PDE9A: variants seen among roughly 807,000 people sequenced by gnomAD.
The protein encoded by PDE9A is phosphodiesterase 9A, also known as high affinity cGMP-specific 3',5'-cyclic phosphodiesterase 9A.
A neutral mutation model predicts 87.4 loss-of-function variants in PDE9A; 60 were observed. The observed-to-expected ratio is 0.69, with a 90% confidence interval of 0.56 to 0.85. PDE9A has a LOEUF of 0.85. Ranked by LOEUF, PDE9A falls within the 40% of genes least tolerant of loss-of-function variation. The pLI, the probability that PDE9A is intolerant of heterozygous loss-of-function variation, is 0.00. For missense variants in PDE9A, 665 were observed against 779.0 expected, an observed-to-expected ratio of 0.85 and a Z score of 1.74; for synonymous variants, 272 against 279.4, an observed-to-expected ratio of 0.97 and a Z score of 0.27.
intron 1 of PDE9A, among the ~76,000 whole-genome samples, chr21:42,671,682 A>G (rs183444423): frequency 9.3e-4 from 141 of 152,388 alleles, no homozygotes; most frequent in African/African-American, 3.3e-3. Flanking sequence ...ATTCATAGAT[A>G]ACTTGCAATG....
rs747015540 is a variant in PDE9A, at chr21:42,687,980, C to T, written c.204C>T (p.Pro68=). 15 of 1,612,718 alleles carry T rather than the reference C, an allele frequency of 9.3e-6. No individual in the cohort carries two copies. Among genetic ancestry groups the T allele is most frequent in the South Asian group, 5.5e-5 (5 of 91,082 alleles). ...DAMVSIDPTM[P]ANSERTPYKV... Reference sequence around the variant, plus strand: ...TGGTCTCCATCGACCCCACCATGCCCGCGAATTCAGAACGGTAAGAGGCTC... The same window carrying T: ...TGGTCTCCATCGACCCCACCATGCCTGCGAATTCAGAACGGTAAGAGGCTC... The change falls in exon 3 of 20, where the codon CCC becomes CCT. Residue 68 remains proline (P), a synonymous_variant. Transcript: ENST00000291539.
At chr21:42,712,581 G>A (rs111728534) in intron 4 of PDE9A, among the ~76,000 whole-genome samples, 1,991 of 152,220 alleles carry the variant, frequency 0.013, 38 homozygotes, top group African/African-American at 0.046. Flanking sequence ...AGACGTCCTC[G>A]CCTTGTTCCC....
At chr21:42,657,076 G>A (rs944159524) in intron 1 of PDE9A, among the ~76,000 whole-genome samples, 5 of 152,250 alleles carry the variant, frequency 3.3e-5, no homozygotes, top group African/African-American at 1.2e-4. Flanking sequence ...GCCCCGTGTG[G>A]GGCCTGATGA....
rs553298274 is a variant in PDE9A at position 42,773,578 on chromosome 21, C to T, written c.1768+1058C>T. On this transcript the variant is annotated intron_variant, in intron 19 of 19. Coordinates refer to ENST00000291539, the MANE Select transcript of PDE9A (RefSeq NM_002606.3). ...ATCCAAGCACTTTGGGAGGCCAAGGCGGCGGATCACGAGGAGATCGAGACC... is the reference window on the plus strand; with the variant it reads ...ATCCAAGCACTTTGGGAGGCCAAGGTGGCGGATCACGAGGAGATCGAGACC... Among the ~76,000 whole-genome samples, 147 of 151,304 alleles carry T rather than the reference C, an allele frequency of 9.7e-4. 2 individuals are homozygous for T. The South Asian group carries it at 0.026, about 27-fold the overall frequency.
rs2060151731 is a variant in PDE9A at position 42,696,588 on chromosome 21, T to C, written c.219-2380T>C. On this transcript the variant is annotated intron_variant, in intron 3 of 19. Coordinates refer to ENST00000291539, the MANE Select transcript of PDE9A (RefSeq NM_002606.3). The surrounding 1 kb of genome is among the most constrained non-coding windows in gnomAD (Gnocchi z 5.1). ...CTCATGGTGGGAGCCGGAGAGACACTGAGAAGAGGAAGGAAGGAGGATCCA... is the reference window on the plus strand; with the variant it reads ...CTCATGGTGGGAGCCGGAGAGACACCGAGAAGAGGAAGGAAGGAGGATCCA... Among the ~76,000 whole-genome samples the C allele has an allele frequency of 6.6e-6, 1 of 150,480 alleles. No individual in the cohort carries two copies. The highest frequency in any genetic ancestry group is 6.6e-5 in the Admixed American group (1 of 15,138).
intron 7 of PDE9A, among the ~76,000 whole-genome samples, chr21:42,735,293 A>AC (rs2146766601): frequency 6.6e-6 from 1 of 152,276 alleles, no homozygotes; most frequent in Non-Finnish European, 1.5e-5. Flanking sequence ...CTGCTTCTCC[A>AC]TGTCACTGGC....
chr21:42,676,702 G>A (rs1278505444), intron 1 of PDE9A, among the ~76,000 whole-genome samples: 3 of 152,186 alleles, frequency 2.0e-5, no homozygotes, highest in Non-Finnish European at 4.4e-5. Flanking sequence ...CTAGTGTGGG[G>A]CAGTGCGTCA....
At chr21:42,714,519 A>T (rs1602220183) in intron 4 of PDE9A, among the ~76,000 whole-genome samples, 1 of 150,902 alleles carries the variant, frequency 6.6e-6, no homozygotes, top group East Asian at 2.0e-4. Flanking sequence ...GTCTTTATTG[A>T]TATGGTTGAG....
At chr21:42,683,866 T>C (rs1041040219) in intron 1 of PDE9A, among the ~76,000 whole-genome samples, 3 of 152,184 alleles carry the variant, frequency 2.0e-5, no homozygotes, top group Non-Finnish European at 4.4e-5. Context: ...TGGGACAGGA[T>C]GTGGTGCCCT....
At position 42,675,844 on chromosome 21, in the gene PDE9A, G is replaced by A. The variant is rs919048953; in HGVS notation, c.70-10348G>A. 2.6e-5 allele frequency among the ~76,000 whole-genome samples: 4 copies of A among 152,286 alleles called. No homozygotes were observed. The highest frequency in any genetic ancestry group is 6.5e-5 in the Admixed American group (1 of 15,292). ...TTCTCCAGTTGTACTTGCTGATGTC[G>A]TTTAGATATTTGTCCCCGCCAAATC... On this transcript the variant is annotated intron_variant, in intron 1 of 19. Coordinates refer to ENST00000291539, the MANE Select transcript of PDE9A (RefSeq NM_002606.3). This position sits in a 1 kb window ranked among gnomAD's most constrained non-coding sequence, Gnocchi z 4.3.
At chr21:42,677,205 A>G (rs1458184433) in intron 1 of PDE9A, among the ~76,000 whole-genome samples, 1 of 152,252 alleles carries the variant, frequency 6.6e-6, no homozygotes, top group African/African-American at 2.4e-5. Flanking sequence ...ATTTCGCTCC[A>G]GATTCGTTAC....
At chr21:42,756,551 G>A (rs970376580) in intron 10 of PDE9A, among the ~76,000 whole-genome samples, 4 of 138,556 alleles carry the variant, frequency 2.9e-5, no homozygotes, top group African/African-American at 1.2e-4. Context: ...TAGGGCCTCC[G>A]AGGGCCCAGG....
In PDE9A at chr21:42,679,784, C is replaced by G. The variant is rs78419674; in HGVS notation, c.70-6408C>G. ...ACTCACCCCCCACCCATGAGAGACC[C>G]TTCTGTCCTGTCCCTTAACCCAGAG... On this transcript the variant is annotated intron_variant, in intron 1 of 19. Transcript: ENST00000291539. Among the ~76,000 whole-genome samples, 118 of 152,346 alleles carry G rather than the reference C, an allele frequency of 7.7e-4. 2 individuals are homozygous for G. The East Asian group carries it at 0.021, about 27-fold the overall frequency.
intron 1 of PDE9A, among the ~76,000 whole-genome samples, chr21:42,658,580 C>T (rs921955661): frequency 4.6e-5 from 7 of 152,210 alleles, no homozygotes; most frequent in Admixed American, 3.3e-4. Context: ...AGCCCACACG[C>T]GCAGTGCCCT....
intron 4 of PDE9A, among the ~76,000 whole-genome samples, chr21:42,707,529 A>G (rs1162031310): frequency 6.6e-6 from 1 of 152,168 alleles, no homozygotes; most frequent in African/African-American, 2.4e-5. Context: ...TCACCTGTAC[A>G]TCAACTCACC....
chr21:42,762,287 A>G (rs776469442), intron 14 of PDE9A, 48 bp downstream of exon 14: 3 of 1,581,162 alleles, frequency 1.9e-6, no homozygotes, highest in Non-Finnish European at 2.6e-6. Context: ...ACATTCAGGG[A>G]CAGAGCAGCC....
At chr21:42,735,335 G>A (rs2839579) in intron 7 of PDE9A, among the ~76,000 whole-genome samples, 44,474 of 152,074 alleles carry the variant, frequency 0.29, 7,021 homozygotes, top group East Asian at 0.54. Flanking sequence ...GAGCCAGGCC[G>A]CGCACCCAAG....
intron 4 of PDE9A, among the ~76,000 whole-genome samples, chr21:42,701,619 T>C (rs1311896319): frequency 1.3e-5 from 2 of 152,028 alleles, no homozygotes; most frequent in Admixed American, 1.3e-4. Flanking sequence ...TAAGTTTTTA[T>C]AGGGACAAGG....
intron 16 of PDE9A, chr21:42,768,714 T>C: frequency 1.0e-6 from 1 of 985,388 alleles, no homozygotes; most frequent in Non-Finnish European, 1.2e-6. Flanking sequence ...CCACCAAATA[T>C]TAATACAACA....
Sources: allele counts gnomAD v4.1 joint callset (sites outside exome capture counted in the v4.1 genomes callset), GRCh38; gene constraint gnomAD v4.1.1; non-coding constraint Gnocchi (gnomAD v3.1); transcripts MANE v1.5; gene names NCBI Gene and HGNC (gene_info 2026-07-23, HGNC 2026-07-21).